LRRC4C: variants seen among roughly 807,000 people sequenced by gnomAD.
LRRC4C encodes leucine-rich repeat-containing protein 4C.
A neutral mutation model predicts 33.6 loss-of-function variants in LRRC4C; 5 were observed. The ratio of observed to expected loss-of-function variants is 0.15; its 90% CI spans 0.08 to 0.31. LRRC4C has a LOEUF of 0.31. Among genes scored for constraint, LRRC4C ranks in the 10% least tolerant of loss-of-function variants. LRRC4C has a pLI of 1.00. For missense variants in LRRC4C, 560 were observed against 796.7 expected (o/e 0.70, Z 3.58); for synonymous variants, 329 against 302.0 (o/e 1.09, Z -0.93).
intron 2 of LRRC4C, among the ~76,000 whole-genome samples, chr11:40,655,873 G>A (rs1943079305): frequency 6.6e-6 from 1 of 152,270 alleles, no homozygotes; most frequent in East Asian, 1.9e-4. Flanking sequence ...TACCATCATT[G>A]TGGAAGGTGG....
At chr11:40,979,682 G>A (rs1259196917) in intron 1 of LRRC4C, among the ~76,000 whole-genome samples, 1 of 152,168 alleles carries the variant, frequency 6.6e-6, no homozygotes, top group East Asian at 1.9e-4. Flanking sequence ...ACAATCGAGT[G>A]TGAGGTGAAA....
rs147460393 is a variant in LRRC4C at position 41,034,302 on chromosome 11, G to A, written c.-495-100579C>T. The stretch of plus-strand genomic sequence containing the variant: ...TTATGAAGCAAGAAAGTCCTCACAA[G>A]ATGATAGTGATACGCGTGCTCTTGG... On this transcript the variant is annotated intron_variant, in intron 1 of 6. Transcript: ENST00000528697. Among the ~76,000 whole-genome samples the A allele has an allele frequency of 8.2e-3, 1,240 of 151,698 alleles. 5 individuals carry two copies. The highest frequency in any genetic ancestry group is 0.014 in the Middle Eastern group (4 of 290).
chr11:41,238,997 T>C (rs927951852), intron 1 of LRRC4C, among the ~76,000 whole-genome samples: 31 of 152,040 alleles, frequency 2.0e-4, no homozygotes, highest in African/African-American at 6.5e-4. Context: ...TAGAAAGTCC[T>C]AGGAAAGGAT....
At chr11:41,283,430 C>T (rs901630906) in intron 1 of LRRC4C, among the ~76,000 whole-genome samples, 1 of 152,076 alleles carries the variant, frequency 6.6e-6, no homozygotes, top group South Asian at 2.1e-4. Context: ...AGGAACCACA[C>T]GCTATTATTG....
intron 2 of LRRC4C, among the ~76,000 whole-genome samples, chr11:40,884,147 G>A (rs1425184162): frequency 6.6e-6 from 1 of 151,986 alleles, no homozygotes; most frequent in Non-Finnish European, 1.5e-5. Flanking sequence ...TCCCACTTAT[G>A]AGTGAGAACA....
At chr11:40,712,797 G>A (rs1208682354) in intron 2 of LRRC4C, among the ~76,000 whole-genome samples, 1 of 151,952 alleles carries the variant, frequency 6.6e-6, no homozygotes, top group Non-Finnish European at 1.5e-5. Flanking sequence ...TTGAGAACAA[G>A]ATTAATAAAC....
Position 40,882,444 on chromosome 11 carries a change from C to T in LRRC4C, c.-407+51191G>A, listed in dbSNP as rs1243131718. 3.3e-5 allele frequency among the ~76,000 whole-genome samples: 5 copies of T among 152,218 alleles called. No homozygotes were observed. The South Asian group carries it at 1.0e-3, about 32-fold the overall frequency. On this transcript the variant is annotated intron_variant, in intron 2 of 6. Transcript: ENST00000528697. ...CGGCCTGTGGGATAAGGTCCAAATA[C>T]ATTAGGCTAGAATTCAGACTTTACA...
At chr11:41,315,815 T>C (rs1950769698) in intron 1 of LRRC4C, among the ~76,000 whole-genome samples, 1 of 152,210 alleles carries the variant, frequency 6.6e-6, no homozygotes. Context: ...GATTTAGAGA[T>C]AATATCTGTA....
chr11:41,317,813 G>T (rs1246648317), intron 1 of LRRC4C, among the ~76,000 whole-genome samples: 1 of 152,152 alleles, frequency 6.6e-6, no homozygotes, highest in South Asian at 2.1e-4. Context: ...ACAATGTATG[G>T]TCATCTATTG....
At chr11:40,799,541 C>CTGGA (rs1202781045) in intron 2 of LRRC4C, among the ~76,000 whole-genome samples, 2 of 152,166 alleles carry the variant, frequency 1.3e-5, no homozygotes, top group Non-Finnish European at 1.5e-5. Context: ...GTCACCCAGG[C>CTGGA]TGGAGTGTAG....
chr11:40,741,183 C>A (rs570066451), intron 2 of LRRC4C, among the ~76,000 whole-genome samples: 4 of 152,108 alleles, frequency 2.6e-5, no homozygotes, highest in African/African-American at 9.6e-5. Flanking sequence ...TTAAAACAAT[C>A]TAACGTATTG....
chr11:41,195,364 G>T (rs1312032886), intron 1 of LRRC4C, among the ~76,000 whole-genome samples: 1 of 152,006 alleles, frequency 6.6e-6, no homozygotes, highest in Non-Finnish European at 1.5e-5. Context: ...TCATTAATTA[G>T]TCTGCATAGA....
intron 3 of LRRC4C, among the ~76,000 whole-genome samples, chr11:40,573,996 T>C (rs930984194): frequency 1.1e-4 from 16 of 152,206 alleles, no homozygotes; most frequent in Non-Finnish European, 2.1e-4. Context: ...TTGTGAAATT[T>C]GATTACGGTG....
chr11:41,177,227 T>C (rs1945243996), intron 1 of LRRC4C, among the ~76,000 whole-genome samples: 1 of 152,032 alleles, frequency 6.6e-6, no homozygotes, highest in Admixed American at 6.6e-5. Flanking sequence ...GAAGACTGAG[T>C]GGTACAAGAA....
At chr11:41,346,100 T>C (rs2137521356) in intron 1 of LRRC4C, among the ~76,000 whole-genome samples, 1 of 152,236 alleles carries the variant, frequency 6.6e-6, no homozygotes, top group East Asian at 1.9e-4. Flanking sequence ...ACCACCAAAA[T>C]TTCAGAACAA....
Position 40,584,177 on chromosome 11 carries a change from CATATATATATATATATAT to C in LRRC4C, c.-270+63947_-270+63964del, listed in dbSNP as rs371413523. ...AGTATACACACACACACGCACACTT[CATATATATATATATATAT>C]ATATATATATGAACTCTTTGTGATG... is the stretch of plus-strand genomic sequence containing the variant. On this transcript the variant is annotated intron_variant, in intron 3 of 6. Transcript: ENST00000528697. Among the ~76,000 whole-genome samples, 8 of 71,282 alleles carry C rather than the reference CATATATATATATATATAT, an allele frequency of 1.1e-4. No homozygotes were observed. In the East Asian group the frequency reaches 4.1e-3, roughly 37 times the overall value. 46.8% of individuals were successfully genotyped at this position (71,282 alleles called of 152,430 possible).
chr11:40,478,307 G>C (rs534675452), intron 3 of LRRC4C, among the ~76,000 whole-genome samples: 17 of 152,272 alleles, frequency 1.1e-4, no homozygotes, highest in Non-Finnish European at 2.4e-4. Context: ...CTGAGAACAA[G>C]CTTTTAAACA....
chr11:40,568,655 C>A (rs548820661), intron 3 of LRRC4C, among the ~76,000 whole-genome samples: 1 of 152,168 alleles, frequency 6.6e-6, no homozygotes, highest in Non-Finnish European at 1.5e-5. Context: ...CCACACTGAA[C>A]ACCCACTATG....
chr11:40,379,541 A>T (rs1026496676), intron 3 of LRRC4C, among the ~76,000 whole-genome samples: 12 of 152,272 alleles, frequency 7.9e-5, no homozygotes, highest in African/African-American at 2.9e-4. Context: ...CAAAGCTGAA[A>T]GTCTTTTCTA....
Sources: allele counts gnomAD v4.1 joint callset (sites outside exome capture counted in the v4.1 genomes callset), GRCh38; gene constraint gnomAD v4.1.1; transcripts MANE v1.5; gene names NCBI Gene and HGNC (gene_info 2026-07-23, HGNC 2026-07-21).